The following LRMDA variants were observed in gnomAD, a reference collection of about 807,000 sequenced individuals.
LRMDA encodes the protein leucine rich melanocyte differentiation associated, also known as leucine-rich melanocyte differentiation-associated protein.
In LRMDA, 18 loss-of-function variants were observed where a neutral mutation model predicts 29.8. The observed-to-expected ratio is 0.60, with a 90% confidence interval of 0.42 to 0.90. The LOEUF (loss-of-function observed/expected upper bound fraction) is 0.90. Ranked by LOEUF, LRMDA falls within the 40% of genes least tolerant of loss-of-function variation. The pLI is 0.00. For missense variants in LRMDA, 273 were observed against 273.9 expected (o/e 1.00, Z 0.02); for synonymous variants, 125 against 109.4 (o/e 1.14, Z -0.89).
intron 2 of LRMDA, among the ~76,000 whole-genome samples, chr10:75,668,677 T>C (rs1373940581): frequency 2.0e-5 from 3 of 152,202 alleles, no homozygotes; most frequent in Admixed American, 2.0e-4. Flanking sequence ...GAGTAGGAAC[T>C]TTAGTGCTAA....
intron 2 of LRMDA, among the ~76,000 whole-genome samples, chr10:75,446,498 G>T (rs574652462): frequency 6.6e-6 from 1 of 152,166 alleles, no homozygotes; most frequent in African/African-American, 2.4e-5. Flanking sequence ...ATATCTCAGC[G>T]TTCTTTGGTA....
intron 2 of LRMDA, among the ~76,000 whole-genome samples, chr10:75,508,024 C>T (rs773300770): frequency 7.2e-5 from 11 of 152,182 alleles, no homozygotes; most frequent in South Asian, 2.1e-4. Flanking sequence ...ATTTTAAAAA[C>T]GTATAGGGTT....
At chr10:76,503,233 C>T (rs1406452296) in intron 6 of LRMDA, among the ~76,000 whole-genome samples, 1 of 151,878 alleles carries the variant, frequency 6.6e-6, no homozygotes, top group African/African-American at 2.4e-5. Flanking sequence ...CCTCACATCA[C>T]AGGAATAAAG....
At chr10:75,911,361 A>G (rs1001998216) in intron 2 of LRMDA, among the ~76,000 whole-genome samples, 25 of 152,124 alleles carry the variant, frequency 1.6e-4, no homozygotes, top group African/African-American at 5.8e-4. Context: ...AGATCCCCTA[A>G]TGTATTCTCA....
At chr10:75,878,234 A>C (rs1210616838) in intron 2 of LRMDA, among the ~76,000 whole-genome samples, 1 of 151,876 alleles carries the variant, frequency 6.6e-6, no homozygotes, top group Non-Finnish European at 1.5e-5. Flanking sequence ...AGGGTACTGG[A>C]AAAATCAGAT....
chr10:76,506,384 T>A (rs1842959351), intron 6 of LRMDA, among the ~76,000 whole-genome samples: 1 of 152,182 alleles, frequency 6.6e-6, no homozygotes, highest in Admixed American at 6.5e-5. Context: ...ATATTCAGTA[T>A]ACACCAGCTC....
intron 5 of LRMDA, among the ~76,000 whole-genome samples, chr10:76,137,256 C>G (rs900932411): frequency 1.3e-5 from 2 of 152,194 alleles, no homozygotes; most frequent in Non-Finnish European, 2.9e-5. Context: ...CTCATTGTTT[C>G]ATATCAGTCA....
chr10:75,647,859 C>G (rs1386802692), intron 2 of LRMDA, among the ~76,000 whole-genome samples: 1 of 152,252 alleles, frequency 6.6e-6, no homozygotes, highest in East Asian at 1.9e-4. Flanking sequence ...CACTCCTGCC[C>G]ACTTCTGCTC....
intron 2 of LRMDA, among the ~76,000 whole-genome samples, chr10:75,884,112 A>C (rs1224945145): frequency 6.6e-6 from 1 of 151,846 alleles, no homozygotes; most frequent in Non-Finnish European, 1.5e-5. Flanking sequence ...TGAATATTGA[A>C]GTTTGTTAAT....
chr10:76,451,373 T>A (rs1378674392), intron 6 of LRMDA, among the ~76,000 whole-genome samples: 2 of 151,864 alleles, frequency 1.3e-5, no homozygotes, highest in African/African-American at 4.8e-5. Flanking sequence ...GGCTAATTTT[T>A]TTGTTATATT....
intron 6 of LRMDA, among the ~76,000 whole-genome samples, chr10:76,362,821 A>G (rs1471308397): frequency 6.6e-6 from 1 of 152,034 alleles, no homozygotes; most frequent in Non-Finnish European, 1.5e-5. Flanking sequence ...TGCTTGGCCT[A>G]TATTGATCCT....
At chr10:75,871,837 A>C (rs1008733011) in intron 2 of LRMDA, among the ~76,000 whole-genome samples, 5 of 152,172 alleles carry the variant, frequency 3.3e-5, no homozygotes, top group Admixed American at 3.3e-4. Flanking sequence ...TGTTTTCATC[A>C]AACCAGGTTC....
chr10:75,950,958 T>C (rs529411131), intron 2 of LRMDA, among the ~76,000 whole-genome samples: 3 of 152,352 alleles, frequency 2.0e-5, no homozygotes, highest in South Asian at 2.1e-4. Flanking sequence ...GTAAGATCCA[T>C]GTGCCACCAC....
At chr10:76,371,361 G>A (rs1250220347) in intron 6 of LRMDA, among the ~76,000 whole-genome samples, 1 of 152,106 alleles carries the variant, frequency 6.6e-6, no homozygotes, top group Non-Finnish European at 1.5e-5. Flanking sequence ...AAAGCCATTG[G>A]TGCTGTTAAC....
intron 5 of LRMDA, among the ~76,000 whole-genome samples, chr10:76,218,958 G>T (rs934963695): frequency 2.6e-5 from 4 of 152,188 alleles, no homozygotes; most frequent in Admixed American, 2.0e-4. Context: ...TGCAGCTCCT[G>T]GGCCCAAATA....
intron 2 of LRMDA, among the ~76,000 whole-genome samples, chr10:75,564,535 A>C (rs1420889178): frequency 6.6e-6 from 1 of 152,202 alleles, no homozygotes; most frequent in African/African-American, 2.4e-5. Flanking sequence ...GGTGCGCTGC[A>C]CCCACTGTCC....
At chr10:75,535,825 G>A (rs1233378393) in intron 2 of LRMDA, among the ~76,000 whole-genome samples, 1 of 152,160 alleles carries the variant, frequency 6.6e-6, no homozygotes, top group Non-Finnish European at 1.5e-5. Flanking sequence ...AGGAACAAGT[G>A]TTGCTTCTGC....
chr10:75,687,557 A>G lies in LRMDA; in HGVS notation c.131+249063A>G, dbSNP rs184236348. On this transcript the variant is annotated intron_variant, in intron 2 of 6. Coordinates refer to ENST00000611255, the MANE Select transcript of LRMDA (RefSeq NM_001305581.2). ...AGGAGGTTTAAGGAAAGAAGCCATCATCTCTGTAACATGAAAGTGCAAGGT... is the reference window on the plus strand; with the variant it reads ...AGGAGGTTTAAGGAAAGAAGCCATCGTCTCTGTAACATGAAAGTGCAAGGT... 2.6e-5 allele frequency among the ~76,000 whole-genome samples: 4 copies of G among 152,368 alleles called. No homozygotes were observed. The East Asian group carries it at 7.7e-4, about 29-fold the overall frequency.
chr10:75,698,644 C>T (rs1420164477), intron 2 of LRMDA, among the ~76,000 whole-genome samples: 18 of 128,732 alleles, frequency 1.4e-4, no homozygotes, highest in Non-Finnish European at 5.3e-5. Flanking sequence ...AACAGTGGTC[C>T]GTAGTGACAC....
Sources: allele counts gnomAD v4.1 joint callset (sites outside exome capture counted in the v4.1 genomes callset), GRCh38; gene constraint gnomAD v4.1.1; transcripts MANE v1.5; gene names NCBI Gene and HGNC (gene_info 2026-07-23, HGNC 2026-07-21).